Variants in SACS observed in about 807,000 individuals in gnomAD.
SACS encodes sacsin.
SACS carries 197 observed loss-of-function variants against 348.0 expected under a neutral mutation model. That is an observed-to-expected ratio of 0.57 (90% CI 0.50 to 0.64). SACS has a LOEUF of 0.64. SACS is among the 30% of genes least tolerant of loss of function. SACS has a pLI of 0.00. For missense variants in SACS, 4,999 were observed against 5,360.8 expected (o/e 0.93, Z 2.11); for synonymous variants, 1,985 against 1,910.6 (o/e 1.04, Z -1.02).
chr13:23,365,143 T>G, intron 6 of SACS, 23 bp downstream of exon 6: 1 of 1,484,210 alleles, frequency 6.7e-7, no homozygotes, highest in South Asian at 1.2e-5. Flanking sequence ...CAATAAAATT[T>G]GTTCCTAATT....
chr13:23,388,420 GTGTATA>G (rs756104264), intron 2 of SACS, among the ~76,000 whole-genome samples: 2 of 143,514 alleles, frequency 1.4e-5, no homozygotes, highest in East Asian at 4.0e-4. Context: ...AATGGTGTGT[GTGTATA>G]TATATATATA....
intron 2 of SACS, among the ~76,000 whole-genome samples, chr13:23,404,768 A>C (rs1383105031): frequency 1.3e-5 from 2 of 152,088 alleles, no homozygotes; most frequent in Non-Finnish European, 2.9e-5. Flanking sequence ...GCATTTCTAT[A>C]CACCAATAAT....
At position 23,333,172 on chromosome 13, in the gene SACS, T is replaced by A. The variant is rs764503432; in HGVS notation, c.10704A>T (p.Gln3568His). Residue 3568 changes from glutamine (Q) to histidine (H), a missense_variant, in exon 10 of 10, where the codon CAA becomes CAT. Coordinates refer to ENST00000382292, the MANE Select transcript of SACS (RefSeq NM_014363.6). ...TAACATGATTTTTGGGTTTTATAAG[T>A]TGTTCCAATTTCTTAAAGAAATCAT... is the stretch of plus-strand genomic sequence containing the variant. ...IPNDFFKKLEQLIKPKNHVTF... is the reference protein window; with the variant it reads ...IPNDFFKKLEHLIKPKNHVTF... 5 of 1,605,760 alleles carry A rather than the reference T, an allele frequency of 3.1e-6. No homozygotes were observed. The highest frequency in any genetic ancestry group is 4.2e-6 in the Non-Finnish European group (5 of 1,176,918).
chr13:23,375,843 ACAG>A (rs1432237664), intron 2 of SACS, among the ~76,000 whole-genome samples: 1 of 152,166 alleles, frequency 6.6e-6, no homozygotes. Context: ...TACAGAGCGT[ACAG>A]CTAGAGGACA....
intron 5 of SACS, among the ~76,000 whole-genome samples, chr13:23,366,779 G>A (rs1871091951): frequency 2.0e-5 from 3 of 152,198 alleles, no homozygotes; most frequent in African/African-American, 7.2e-5. Context: ...GAGATTGTTT[G>A]TAAACTAACT....
intron 1 of SACS, among the ~76,000 whole-genome samples, chr13:23,420,112 C>T (rs574764072): frequency 6.6e-6 from 1 of 152,238 alleles, no homozygotes; most frequent in East Asian, 1.9e-4. Context: ...GCCTCATGTC[C>T]ACCTGTGGTG....
intron 1 of SACS, among the ~76,000 whole-genome samples, chr13:23,420,366 T>C (rs972197552): frequency 4.6e-5 from 7 of 152,018 alleles, no homozygotes; most frequent in Admixed American, 6.6e-5. Flanking sequence ...CTACCTAGAA[T>C]CCAGTGTCTA....
intron 9 of SACS, among the ~76,000 whole-genome samples, chr13:23,347,132 A>G (rs79316703): frequency 0.037 from 5,690 of 152,322 alleles, 169 homozygotes; most frequent in East Asian, 0.16. Context: ...TTATAGCTGC[A>G]TAACGTCATT....
chr13:23,361,065 T>C (rs925236342), intron 6 of SACS, among the ~76,000 whole-genome samples: 1 of 152,170 alleles, frequency 6.6e-6, no homozygotes, highest in Non-Finnish European at 1.5e-5. Context: ...GTTTTTTGAC[T>C]GTCAGAACTG....
In SACS at chr13:23,340,022, CA is replaced by C. The variant is rs777574472; in HGVS notation, c.3853del (p.Cys1285ValfsTer7). On this transcript the variant is annotated frameshift_variant, in exon 10 of 10. Transcript: ENST00000382292. LOFTEE classifies it high-confidence loss of function. ...TTTAATCACAGCCTGGGCAAGTGGA[CA>C]AAACTTTTTGCCAGTCCAAACCCAT... is the stretch of plus-strand genomic sequence containing the variant. ...FPWVWTGKKF[C>X]PLAQAVIKPI... The C allele has an allele frequency of 6.2e-7, 1 of 1,613,372 alleles. No homozygotes were observed. Among genetic ancestry groups the C allele is most frequent in the Non-Finnish European group, 8.5e-7 (1 of 1,179,812 alleles).
In SACS at chr13:23,335,796, T is replaced by A. The variant is rs1390533003; in HGVS notation, c.8080A>T (p.Asn2694Tyr). 1 of 1,614,018 alleles carries A rather than the reference T, an allele frequency of 6.2e-7. No individual in the cohort carries two copies. Among genetic ancestry groups the A allele is most frequent in the Non-Finnish European group, 8.5e-7 (1 of 1,179,916 alleles). The change falls in exon 10 of 10, where the codon AAT becomes TAT. Residue 2694 changes from asparagine (N) to tyrosine (Y), a missense_variant. Coordinates refer to ENST00000382292, the MANE Select transcript of SACS (RefSeq NM_014363.6). The surrounding 1 kb of genome is among the most constrained non-coding windows in gnomAD (Gnocchi z 4.7). ...AGAGGAAATCTGAACATTGTGCAAT[T>A]ATCCAGTTTAAAATGGGTTCCCAGA... Reference protein sequence around the residue: ...LYLGTHFKLDNCTMFRFPLRN... With the variant: ...LYLGTHFKLDYCTMFRFPLRN...
intron 2 of SACS, among the ~76,000 whole-genome samples, chr13:23,395,459 C>T (rs941260100): frequency 2.0e-5 from 3 of 152,158 alleles, no homozygotes; most frequent in Non-Finnish European, 2.9e-5. Context: ...TTCCTCCTTT[C>T]ACCACCTTTG....
At chr13:23,343,537 T>C (rs1461941598) in intron 9 of SACS, among the ~76,000 whole-genome samples, 1 of 151,938 alleles carries the variant, frequency 6.6e-6, no homozygotes, top group Non-Finnish European at 1.5e-5. Flanking sequence ...ATACAAAAAT[T>C]AGCCGGGCGT....
chr13:23,427,388 C>G (rs759751863), intron 1 of SACS: 3 of 152,246 alleles, frequency 2.0e-5, no homozygotes, highest in Admixed American at 2.0e-4. Flanking sequence ...CCTCAAGCCA[C>G]TGCCCACAGC....
At chr13:23,375,400 G>A (rs1483945630) in intron 2 of SACS, 131 bp from the exon 3 acceptor site, 2 of 1,233,688 alleles carry the variant, frequency 1.6e-6, no homozygotes, top group African/African-American at 1.6e-5. Context: ...CGCCCCTGAC[G>A]CCGGCGCCCG....
chr13:23,329,660 C>T lies in SACS; in HGVS notation c.*476G>A. On this transcript the variant is annotated 3_prime_UTR_variant, in exon 10 of 10. Transcript: ENST00000382292. ...ACAACAAATTCATGATCAGAGCCAG[C>T]TGATGAGAAAATAACGCATCCAAGA... The T allele has an allele frequency of 1.9e-6, 1 of 526,498 alleles. No homozygotes were observed. The highest frequency in any genetic ancestry group is 3.3e-6 in the Non-Finnish European group (1 of 303,412). 32.6% of individuals were successfully genotyped at this position (526,498 alleles called of 1,614,324 possible). A position where few individuals can be genotyped will look rare whatever the true frequency, so the allele number is the denominator to read the frequency against.
In SACS at chr13:23,368,547, T is replaced by C. The variant is rs565485119; in HGVS notation, c.260-60A>G. On this transcript the variant is annotated intron_variant, in intron 4 of 9. Transcript: ENST00000382292. Reference sequence around the variant, plus strand: ...AAAAAATCCCATGAATTGTCACCAATGTGTGACTTGAATCTGAGACATCAT... The same window carrying C: ...AAAAAATCCCATGAATTGTCACCAACGTGTGACTTGAATCTGAGACATCAT... 1,967 of 1,184,896 alleles carry C rather than the reference T, an allele frequency of 1.7e-3. 46 individuals are homozygous for C. In the South Asian group the frequency reaches 0.023, roughly 14 times the overall value. The allele number at this position is 1,184,896 out of a possible 1,614,324, so 73.4% of individuals were successfully genotyped here. A position where few individuals can be genotyped will look rare whatever the true frequency, so the allele number is the denominator to read the frequency against.
intron 7 of SACS, among the ~76,000 whole-genome samples, chr13:23,356,695 G>A (rs914312490): frequency 2.6e-5 from 4 of 152,248 alleles, no homozygotes; most frequent in Non-Finnish European, 5.9e-5. Flanking sequence ...GAGACCCACT[G>A]TGATGAGAGA....
At chr13:23,421,461 C>G (rs1873936093) in intron 1 of SACS, among the ~76,000 whole-genome samples, 1 of 152,076 alleles carries the variant, frequency 6.6e-6, no homozygotes, top group Non-Finnish European at 1.5e-5. Flanking sequence ...CTATTGTACT[C>G]CTGGAACCTG....
Sources: gnomAD v4.1 joint callset for allele counts (sites outside exome capture counted in the v4.1 genomes callset) on GRCh38, gnomAD v4.1.1 for gene constraint, Gnocchi (gnomAD v3.1) non-coding constraint, MANE v1.5 for transcripts, NCBI Gene and HGNC (gene_info 2026-07-23, HGNC 2026-07-21) for gene names.